PPARGC1B: variants seen among roughly 807,000 people sequenced by gnomAD.
The protein encoded by PPARGC1B is PPARG coactivator 1 beta, also known as peroxisome proliferator-activated receptor gamma coactivator 1-beta.
PPARGC1B carries 34 observed loss-of-function variants against 101.6 expected under a neutral mutation model. The ratio of observed to expected loss-of-function variants is 0.33; its 90% confidence interval spans 0.25 to 0.45. The LOEUF (loss-of-function observed/expected upper bound fraction) is 0.45, where lower values mean the gene tolerates loss of function less well. PPARGC1B is among the 20% of genes least tolerant of loss of function. The pLI, the probability that PPARGC1B is intolerant of heterozygous loss-of-function variation, is 1.00. For missense variants in PPARGC1B, 1,234 were observed against 1,317.6 expected, an observed-to-expected ratio of 0.94 and a Z score of 0.98; for synonymous variants, 548 against 539.3, an observed-to-expected ratio of 1.02 and a Z score of -0.22.
At chr5:149,753,595 T>A (rs562808104) in intron 1 of PPARGC1B, among the ~76,000 whole-genome samples, 1 of 152,340 alleles carries the variant, frequency 6.6e-6, no homozygotes, top group Admixed American at 6.5e-5. Context: ...TGACTACTGC[T>A]GCTAGTTTGC....
intron 1 of PPARGC1B, among the ~76,000 whole-genome samples, chr5:149,776,008 C>T (rs935531667): frequency 6.6e-6 from 1 of 152,180 alleles, no homozygotes; most frequent in Non-Finnish European, 1.5e-5. Context: ...TGGTTAGCAT[C>T]AAGAATACAT....
intron 1 of PPARGC1B, among the ~76,000 whole-genome samples, chr5:149,801,648 G>A (rs1757433876): frequency 6.6e-6 from 1 of 152,164 alleles, no homozygotes; most frequent in African/African-American, 2.4e-5. Flanking sequence ...AGCCAGTGGG[G>A]TCAGGTCTGT....
At chr5:149,829,472 G>A (rs1034846781) in intron 3 of PPARGC1B, among the ~76,000 whole-genome samples, 1 of 152,062 alleles carries the variant, frequency 6.6e-6, no homozygotes, top group African/African-American at 2.4e-5. Flanking sequence ...CCTGGCCTTT[G>A]GCATTCCTTG....
Position 149,780,238 on chromosome 5 carries a change from G to A in PPARGC1B, c.79-40195G>A, listed in dbSNP as rs116673932. 2.9e-3 allele frequency among the ~76,000 whole-genome samples: 444 copies of A among 152,324 alleles called. 2 individuals are homozygous for A. The highest frequency in any genetic ancestry group is 0.01 in the African/African-American group (416 of 41,590). ...GCGCAGGATGAGCAGCCAGAGCCCC[G>A]TGTGACCACCTGGCCCCAGGCCTGG... On this transcript the variant is annotated intron_variant, in intron 1 of 11. Coordinates refer to ENST00000309241, the MANE Select transcript of PPARGC1B (RefSeq NM_133263.4).
rs541098520 is a variant in PPARGC1B, at chr5:149,775,766, C to T, written c.79-44667C>T. On this transcript the variant is annotated intron_variant, in intron 1 of 11. Transcript: ENST00000309241. ...GCCAGGAAGCACTCAGGGATCTGAG[C>T]TCTGGATTTTCTGATCAGATTCTGC... 1.5e-3 allele frequency among the ~76,000 whole-genome samples: 236 copies of T among 152,270 alleles called. 1 individual carries two copies. The highest frequency in any genetic ancestry group is 0.014 in the Middle Eastern group (4 of 292).
intron 7 of PPARGC1B, 26 bp downstream of exon 7, chr5:149,835,391 G>A: frequency 6.2e-7 from 1 of 1,604,086 alleles, no homozygotes; most frequent in South Asian, 1.1e-5. Context: ...TCCACTGGCA[G>A]GTGCCTTCAG....
In PPARGC1B at chr5:149,845,898, C is replaced by T; in HGVS notation, c.2955C>T (p.Pro985=). ...GAGGGCTCCGGCACTTCTGCTGGCC[C>T]AGATACACTGACTACGGTAAGCCCC... ...SYGGLRHFCW[P]RYTDYDSNSE... Residue 985 remains proline (P), a synonymous_variant, in exon 11 of 12, where the codon CCC becomes CCT. Transcript: ENST00000309241. The T allele has an allele frequency of 1.9e-6, 3 of 1,614,252 alleles. No individual in the cohort carries two copies. The highest frequency in any genetic ancestry group is 2.2e-5 in the East Asian group (1 of 44,884).
Position 149,832,077 on chromosome 5 carries a change from C to T in PPARGC1B, c.583-579C>T, listed in dbSNP as rs780184548. 6.6e-5 allele frequency among the ~76,000 whole-genome samples: 10 copies of T among 152,084 alleles called. No individual in the cohort carries two copies. Among genetic ancestry groups the T allele is most frequent in the Non-Finnish European group, 1.0e-4 (7 of 68,014 alleles). ...ATCCCAGCACTTTGGGAGGCTGAGG[C>T]GGGAGGATCACTTGAGCTCAGGAGT... On this transcript the variant is annotated intron_variant, in intron 4 of 11. Coordinates refer to ENST00000309241, the MANE Select transcript of PPARGC1B (RefSeq NM_133263.4). The surrounding 1 kb of genome is among the most constrained non-coding windows in gnomAD (Gnocchi z 4.9).
chr5:149,787,141 T>C (rs1756840682), intron 1 of PPARGC1B, among the ~76,000 whole-genome samples: 1 of 152,232 alleles, frequency 6.6e-6, no homozygotes, highest in South Asian at 2.1e-4. Context: ...ATGGATCAGC[T>C]TAGCAACCAC....
At chr5:149,808,045 T>C (rs547096909) in intron 1 of PPARGC1B, among the ~76,000 whole-genome samples, 17 of 152,040 alleles carry the variant, frequency 1.1e-4, no homozygotes, top group Non-Finnish European at 2.1e-4. Flanking sequence ...GAACAAAATA[T>C]CCAATTTTAA....
At chr5:149,746,891 A>G (rs1248400753) in intron 1 of PPARGC1B, among the ~76,000 whole-genome samples, 4 of 152,150 alleles carry the variant, frequency 2.6e-5, no homozygotes, top group Non-Finnish European at 4.4e-5. Flanking sequence ...CCATTTGCAT[A>G]TCTTCTTTAG....
At chr5:149,731,568 G>A (rs1330697020) in intron 1 of PPARGC1B, among the ~76,000 whole-genome samples, 4 of 151,720 alleles carry the variant, frequency 2.6e-5, no homozygotes, top group East Asian at 2.0e-4. Flanking sequence ...GAGTGGGAGC[G>A]CCGGTGCCGG....
intron 1 of PPARGC1B, among the ~76,000 whole-genome samples, chr5:149,801,490 G>A (rs1254058303): frequency 6.6e-6 from 1 of 152,224 alleles, no homozygotes. Flanking sequence ...AGTGCCAGGG[G>A]TGGAAAGAAG....
downstream of PPARGC1B, among the ~76,000 whole-genome samples, chr5:149,856,058 A>T (rs1759940989): frequency 6.6e-6 from 1 of 152,194 alleles, no homozygotes; most frequent in Non-Finnish European, 1.5e-5. Flanking sequence ...CGGAGGTTGC[A>T]GTGAGCCAAG....
downstream of PPARGC1B, among the ~76,000 whole-genome samples, chr5:149,857,590 G>A (rs1759989106): frequency 6.6e-6 from 1 of 152,188 alleles, no homozygotes; most frequent in Non-Finnish European, 1.5e-5. Context: ...TCTAGTTTGG[G>A]AGTTTAAAGA....
intron 1 of PPARGC1B, among the ~76,000 whole-genome samples, chr5:149,734,453 GTAAA>G (rs1243757887): frequency 6.8e-6 from 1 of 148,002 alleles, no homozygotes; most frequent in Non-Finnish European, 1.5e-5. Context: ...TTCCACATCA[GTAAA>G]TATTCTACTT....
At chr5:149,743,376 G>A (rs143184251) in intron 1 of PPARGC1B, among the ~76,000 whole-genome samples, 45 of 152,062 alleles carry the variant, frequency 3.0e-4, no homozygotes, top group African/African-American at 1.0e-3. Flanking sequence ...GGCTGGTCTC[G>A]AACTCGTGAC....
Position 149,820,484 on chromosome 5 carries a change from C to G in PPARGC1B, c.130C>G (p.Leu44Val). Residue 44 changes from leucine to valine, a missense_variant, in exon 2 of 12, where the codon CTC (leucine) becomes GTC (valine). Leu to Val is a conservative substitution (Grantham distance 32, BLOSUM62 1). Coordinates refer to ENST00000309241, the MANE Select transcript of PPARGC1B (RefSeq NM_133263.4). ...QLYADFPELDLSQLDASDFDS... is the reference protein window; with the variant it reads ...QLYADFPELDVSQLDASDFDS... ...CTATGCTGACTTTCCAGAACTTGAC[C>G]TCTCCCAGCTGGATGCCAGCGACTT... 1 of 1,614,088 alleles carries G rather than the reference C, an allele frequency of 6.2e-7. No individual in the cohort carries two copies. Among genetic ancestry groups the G allele is most frequent in the Non-Finnish European group, 8.5e-7 (1 of 1,180,016 alleles).
At position 149,820,600 on chromosome 5, in the gene PPARGC1B, C is replaced by A. The variant is rs1194157036; in HGVS notation, c.246C>A (p.Leu82=). The change falls in exon 2 of 12, where the codon CTC becomes CTA. Residue 82 remains leucine (L), a synonymous_variant. Transcript: ENST00000309241. ...AGTACAGCCCCGATGACTCCGAGCT[C>A]TTCCAGGTATGCCCTTTCCAGTCTC... ...PNQYSPDDSE[L]FQIDSENEAL... 4 of 1,609,942 alleles carry A rather than the reference C, an allele frequency of 2.5e-6. No homozygotes were observed. In the African/African-American group the frequency reaches 5.3e-5, roughly 21 times the overall value.
Sources: gnomAD v4.1 joint callset for allele counts (sites outside exome capture counted in the v4.1 genomes callset) on GRCh38, gnomAD v4.1.1 for gene constraint, Gnocchi (gnomAD v3.1) non-coding constraint, MANE v1.5 for transcripts, NCBI Gene and HGNC (gene_info 2026-07-23, HGNC 2026-07-21) for gene names.